The following GRIA1 variants were observed in gnomAD, a reference collection of about 807,000 sequenced individuals.
The protein encoded by GRIA1 is glutamate ionotropic receptor AMPA type subunit 1.
In GRIA1, 31 loss-of-function variants were observed where a neutral mutation model predicts 99.2. That is an observed-to-expected ratio of 0.31 (90% CI 0.23 to 0.42). The LOEUF is 0.42. GRIA1 is among the 10% of genes least tolerant of loss of function. The probability of loss-of-function intolerance (pLI) is 1.00; values close to 1 mark genes in which losing one functional copy is unlikely to be tolerated. For synonymous variants in GRIA1, 438 were observed against 432.4 expected (o/e 1.01, Z -0.16); for missense variants, 782 against 1,157.5 (o/e 0.68, Z 4.71).
intron 11 of GRIA1, among the ~76,000 whole-genome samples, chr5:153,722,504 A>AT (rs1466944547): frequency 3.3e-5 from 5 of 152,050 alleles, no homozygotes; most frequent in Non-Finnish European, 5.9e-5. Flanking sequence ...GAGGGTCAAG[A>AT]TTTTTTGTTT....
intron 13 of GRIA1, among the ~76,000 whole-genome samples, chr5:153,772,969 C>T (rs1301035117): frequency 2.0e-5 from 3 of 152,090 alleles, no homozygotes; most frequent in Admixed American, 6.5e-5. Context: ...TCCCATCCCA[C>T]ACATAGTTTC....
chr5:153,722,099 T>A (rs1261357511), intron 11 of GRIA1, among the ~76,000 whole-genome samples: 1 of 152,230 alleles, frequency 6.6e-6, no homozygotes, highest in East Asian at 1.9e-4. Context: ...TTGTTAGCCA[T>A]TTGAGTAGCT....
rs145029295 is a variant in GRIA1 at position 153,701,471 on chromosome 5, G to A, written c.1452+2398G>A. 1.5e-3 allele frequency among the ~76,000 whole-genome samples: 221 copies of A among 151,636 alleles called. 1 individual carries two copies. The highest frequency in any genetic ancestry group is 5.1e-3 in the African/African-American group (210 of 41,378). On this transcript the variant is annotated intron_variant, in intron 10 of 15. Transcript: ENST00000285900. ...CTACTAAGAATACAAAAAATTAGCC[G>A]GGCATGGTAGTGGGCGCCTGTAGTC...
intron 11 of GRIA1, among the ~76,000 whole-genome samples, chr5:153,736,672 A>G (rs528374092): frequency 1.6e-4 from 25 of 152,310 alleles, no homozygotes; most frequent in Non-Finnish European, 2.6e-4. Context: ...AGATGATCTG[A>G]TCCTGAATGT....
chr5:153,636,064 G>A (rs1198200412), intron 2 of GRIA1, among the ~76,000 whole-genome samples: 3 of 152,126 alleles, frequency 2.0e-5, no homozygotes, highest in Non-Finnish European at 4.4e-5. Flanking sequence ...CTCAACAATC[G>A]ACTTTGGTCC....
At chr5:153,572,749 G>A (rs969196642) in intron 2 of GRIA1, among the ~76,000 whole-genome samples, 5 of 152,178 alleles carry the variant, frequency 3.3e-5, no homozygotes, top group Non-Finnish European at 7.3e-5. Flanking sequence ...ACGACTACGC[G>A]GTGAAGGTGA....
intron 2 of GRIA1, among the ~76,000 whole-genome samples, chr5:153,499,780 T>C (rs1214775356): frequency 6.6e-6 from 1 of 152,132 alleles, no homozygotes; most frequent in Non-Finnish European, 1.5e-5. Context: ...TGAAAACTTC[T>C]TGGGGAAGGT....
intron 11 of GRIA1, among the ~76,000 whole-genome samples, chr5:153,744,160 C>G (rs971503319): frequency 2.0e-5 from 3 of 151,936 alleles, no homozygotes; most frequent in Admixed American, 6.6e-5. Flanking sequence ...GAGTGAGGAC[C>G]CCTGAGAAAA....
Position 153,762,305 on chromosome 5 carries a change from T to C in GRIA1, c.1824-2129T>C, listed in dbSNP as rs143201442. On this transcript the variant is annotated intron_variant, in intron 11 of 15. Coordinates refer to ENST00000285900, the MANE Select transcript of GRIA1 (RefSeq NM_000827.4). ...AATATCTACAATTTTTATGTGTCAGTTGAAAACAAAATAAAATTTTAAAAA... is the reference window on the plus strand; with the variant it reads ...AATATCTACAATTTTTATGTGTCAGCTGAAAACAAAATAAAATTTTAAAAA... Among the ~76,000 whole-genome samples the C allele has an allele frequency of 7.2e-5, 11 of 152,242 alleles. No individual in the cohort carries two copies. In the East Asian group the frequency reaches 2.1e-3, roughly 29 times the overall value.
At chr5:153,694,515 G>A (rs1487651389) in intron 8 of GRIA1, among the ~76,000 whole-genome samples, 1 of 152,166 alleles carries the variant, frequency 6.6e-6, no homozygotes. Context: ...TTAGCTTACT[G>A]ACAATATGAA....
At chr5:153,536,788 G>A (rs1396479423) in intron 2 of GRIA1, among the ~76,000 whole-genome samples, 1 of 152,170 alleles carries the variant, frequency 6.6e-6, no homozygotes, top group East Asian at 1.9e-4. Flanking sequence ...TGGAGAAAGG[G>A]CAGAAGACTT....
intron 2 of GRIA1, among the ~76,000 whole-genome samples, chr5:153,532,011 T>C (rs1758137744): frequency 6.6e-6 from 1 of 152,078 alleles, no homozygotes; most frequent in Non-Finnish European, 1.5e-5. Context: ...ATGATTGGAG[T>C]CCATATTTTG....
chr5:153,667,083 G>A (rs1353131381), intron 5 of GRIA1, among the ~76,000 whole-genome samples: 2 of 152,204 alleles, frequency 1.3e-5, no homozygotes, highest in African/African-American at 4.8e-5. Context: ...GATTTTATCT[G>A]ACAATTTGGG....
intron 11 of GRIA1, among the ~76,000 whole-genome samples, chr5:153,750,433 C>T (rs1331837245): frequency 6.6e-6 from 1 of 152,116 alleles, no homozygotes; most frequent in Non-Finnish European, 1.5e-5. Flanking sequence ...CAGGAGGTGT[C>T]CCTTCTGTCC....
intron 2 of GRIA1, among the ~76,000 whole-genome samples, chr5:153,511,978 C>T (rs979309489): frequency 2.0e-5 from 3 of 152,226 alleles, no homozygotes; most frequent in Non-Finnish European, 4.4e-5. Context: ...GCCTCTGTTA[C>T]ACTGCTGTTA....
chr5:153,522,351 A>G (rs1260755599), intron 2 of GRIA1, among the ~76,000 whole-genome samples: 2 of 152,226 alleles, frequency 1.3e-5, no homozygotes, highest in East Asian at 3.8e-4. Flanking sequence ...GGTAGCCACT[A>G]TAGTTATTCC....
chr5:153,787,797 T>C (rs1221952917), intron 13 of GRIA1, among the ~76,000 whole-genome samples: 1 of 152,118 alleles, frequency 6.6e-6, no homozygotes, highest in Non-Finnish European at 1.5e-5. Flanking sequence ...GACTCTCCAC[T>C]TGGACATCTA....
chr5:153,521,987 T>C (rs1039027859), intron 2 of GRIA1, among the ~76,000 whole-genome samples: 1 of 152,258 alleles, frequency 6.6e-6, no homozygotes, highest in African/African-American at 2.4e-5. Context: ...GACATACTTT[T>C]TAGGCCCACC....
chr5:153,686,303 G>A lies in GRIA1; in HGVS notation c.1108G>A (p.Glu370Lys). ...RRTNYTLHVI[E>K]MKHDGIRKIG... is the part of the protein sequence containing the mutation. Reference sequence around the variant, plus strand: ...GACCAACTACACGCTCCACGTGATTGAAATGAAACATGACGGCATCCGAAA... The same window carrying A: ...GACCAACTACACGCTCCACGTGATTAAAATGAAACATGACGGCATCCGAAA... Residue 370 changes from glutamate (E) to lysine (K), a missense_variant, in exon 8 of 16, where the codon GAA becomes AAA. This residue lies in a region of GRIA1 where 461 missense variants were observed against 521.7 expected (regional missense o/e 0.88). Coordinates refer to ENST00000285900, the MANE Select transcript of GRIA1 (RefSeq NM_000827.4). 1.2e-6 allele frequency: 2 copies of A among 1,613,820 alleles called. No individual in the cohort carries two copies. The highest frequency in any genetic ancestry group is 1.7e-6 in the Non-Finnish European group (2 of 1,179,704).
Sources: allele counts gnomAD v4.1 joint callset (sites outside exome capture counted in the v4.1 genomes callset), GRCh38; gene constraint gnomAD v4.1.1; regional missense constraint gnomAD v4.1.1; transcripts MANE v1.5; gene names NCBI Gene and HGNC (gene_info 2026-07-23, HGNC 2026-07-21).